DCP1A: variants seen among roughly 807,000 people sequenced by gnomAD.
DCP1A encodes mRNA-decapping enzyme 1A.
Under a neutral mutation model 58.0 loss-of-function variants are expected in DCP1A, and 20 were observed. The ratio of observed to expected loss-of-function variants is 0.34; its 90% CI spans 0.24 to 0.50. DCP1A has a LOEUF of 0.50. DCP1A is among the 20% of genes least tolerant of loss of function. DCP1A has a pLI of 0.98. For synonymous variants in DCP1A, 285 were observed against 275.1 expected (o/e 1.04, Z -0.36); for missense variants, 613 against 712.2 (o/e 0.86, Z 1.59).
intron 8 of DCP1A, among the ~76,000 whole-genome samples, chr3:53,289,705 A>G (rs989570740): frequency 5.3e-5 from 8 of 152,090 alleles, no homozygotes; most frequent in African/African-American, 1.9e-4. Flanking sequence ...GCTAACATCT[A>G]CCTCTCTCCT....
intron 1 of DCP1A, among the ~76,000 whole-genome samples, chr3:53,347,069 A>T (rs2089300304): frequency 6.6e-6 from 1 of 152,148 alleles, no homozygotes; most frequent in South Asian, 2.1e-4. Context: ...CCGGTCTTAT[A>T]ACTCCCAATG....
intron 3 of DCP1A, among the ~76,000 whole-genome samples, chr3:53,340,804 G>A (rs1483611585): frequency 1.3e-5 from 2 of 152,090 alleles, no homozygotes; most frequent in Non-Finnish European, 2.9e-5. Context: ...GTAGTTTCTT[G>A]GAAGGGCCAC....
Position 53,292,136 on chromosome 3 carries a change from G to C in DCP1A, c.1316C>G (p.Ser439Cys), listed in dbSNP as rs1706904322. Residue 439 changes from serine to cysteine, a missense_variant, in exon 7 of 10, where the codon TCT (serine) becomes TGT (cysteine). Coordinates refer to ENST00000610213, the MANE Select transcript of DCP1A (RefSeq NM_018403.7). ...ATPESFIEPP[S>C]KTAAARVAAS... ...CGCCACTCTTGCTGCTGCTGTCTTA[G>C]AGGGAGGCTCTATGAAGCTCTCAGG... The C allele has an allele frequency of 1.2e-6, 2 of 1,613,732 alleles. No homozygotes were observed. The highest frequency in any genetic ancestry group is 3.3e-5 in the Admixed American group (2 of 59,980).
At chr3:53,316,705 A>G (rs140632979) in intron 4 of DCP1A, among the ~76,000 whole-genome samples, 6 of 151,614 alleles carry the variant, frequency 4.0e-5, no homozygotes, top group African/African-American at 9.7e-5. Context: ...TTGACCTCCC[A>G]AAGTGCTGGG....
chr3:53,307,804 A>AC (rs1707519737), intron 5 of DCP1A, among the ~76,000 whole-genome samples: 1 of 152,262 alleles, frequency 6.6e-6, no homozygotes, highest in African/African-American at 2.4e-5. Flanking sequence ...TTAATGCTGT[A>AC]CATGAGGATT....
chr3:53,302,316 C>T (rs546901658), intron 6 of DCP1A, among the ~76,000 whole-genome samples: 7 of 152,138 alleles, frequency 4.6e-5, no homozygotes, highest in South Asian at 2.1e-4. Flanking sequence ...TAAAAACCTA[C>T]GGATTTTATT....
intron 3 of DCP1A, among the ~76,000 whole-genome samples, chr3:53,332,833 G>A (rs2089035611): frequency 6.6e-6 from 1 of 151,696 alleles, no homozygotes; most frequent in Non-Finnish European, 1.5e-5. Context: ...ACTCCAGCCT[G>A]GGTGACAAAG....
intron 4 of DCP1A, among the ~76,000 whole-genome samples, chr3:53,314,667 CTTTTTTTTTT>C (rs1167830951): frequency 2.3e-5 from 2 of 86,722 alleles, no homozygotes; most frequent in Non-Finnish European, 4.3e-5. Context: ...TTTTCTTTTT[CTTTTTTTTTT>C]TTTTTTTTTT....
chr3:53,290,678 T>C (rs1416297300), intron 8 of DCP1A, 113 bp downstream of exon 8: 2 of 852,486 alleles, frequency 2.3e-6, no homozygotes, highest in East Asian at 5.3e-5. Flanking sequence ...ACCTGACTGT[T>C]CACAGCCAGT....
rs1216781112 is a variant in DCP1A, at chr3:53,344,733, G to C, written c.176+169C>G. 5.3e-5 allele frequency among the ~76,000 whole-genome samples: 8 copies of C among 152,262 alleles called. No homozygotes were observed. The East Asian group carries it at 9.6e-4, about 18-fold the overall frequency. On this transcript the variant is annotated intron_variant, in intron 2 of 9. Coordinates refer to ENST00000610213, the MANE Select transcript of DCP1A (RefSeq NM_018403.7). ...TCAGTTTATTCTGAATCACAGAAAG[G>C]CTCAGAGAAAAGAAAGAACCTGGTT...
chr3:53,323,250 A>G (rs1559698428), intron 3 of DCP1A, among the ~76,000 whole-genome samples: 1 of 152,246 alleles, frequency 6.6e-6, no homozygotes, highest in Non-Finnish European at 1.5e-5. Context: ...TGGTAAGTCA[A>G]CAAATTCACT....
At chr3:53,289,005 A>C (rs1575590602) in intron 8 of DCP1A, among the ~76,000 whole-genome samples, 4 of 145,872 alleles carry the variant, frequency 2.7e-5, no homozygotes, top group Admixed American at 2.7e-4. Context: ...ACAGAGAAAG[A>C]CTCCATCTCG....
rs1266772783 is a variant in DCP1A at position 53,284,712 on chromosome 3, T to G, written c.*2868A>C. ...CCACCACGCCCGGCTAATTTTTGTA[T>G]TTTTAGTAGAGATGGGGTTTCACCA... On this transcript the variant is annotated 3_prime_UTR_variant, in exon 10 of 10. Transcript: ENST00000610213. The G allele has an allele frequency of 9.9e-5, 15 of 152,038 alleles. No homozygotes were observed. Among genetic ancestry groups the G allele is most frequent in the African/African-American group, 3.4e-4 (14 of 41,338 alleles). The allele number at this position is 152,038 out of a possible 1,614,324, so 9.4% of individuals were successfully genotyped here.
intron 3 of DCP1A, among the ~76,000 whole-genome samples, chr3:53,334,088 CT>C (rs1308153329): frequency 2.0e-5 from 3 of 151,948 alleles, no homozygotes; most frequent in African/African-American, 7.3e-5. Flanking sequence ...ATAGAGAGAC[CT>C]TGTCTCTACA....
chr3:53,292,043 GC>G (rs781987714), intron 7 of DCP1A, 25 bp downstream of exon 7: 3 of 1,577,336 alleles, frequency 1.9e-6, no homozygotes, highest in Non-Finnish European at 2.6e-6. Flanking sequence ...TACCCACTCT[GC>G]CCACCCCCAC....
chr3:53,309,769 GAA>G (rs1353208364), intron 5 of DCP1A, among the ~76,000 whole-genome samples: 2 of 152,146 alleles, frequency 1.3e-5, no homozygotes, highest in Admixed American at 6.5e-5. Flanking sequence ...TCTGAAAAAA[GAA>G]AAGAGTCTCA....
chr3:53,337,088 T>C (rs1575621289), intron 3 of DCP1A, among the ~76,000 whole-genome samples: 1 of 152,086 alleles, frequency 6.6e-6, no homozygotes, highest in Admixed American at 6.5e-5. Context: ...GCCAGGCTGG[T>C]CTTGAACTCC....
chr3:53,288,594 T>C (rs1305738586), intron 8 of DCP1A, among the ~76,000 whole-genome samples: 1 of 152,154 alleles, frequency 6.6e-6, no homozygotes. Context: ...AATCCTATGA[T>C]AAATTTAAAA....
chr3:53,341,629 C>A (rs2089205376), intron 3 of DCP1A, among the ~76,000 whole-genome samples: 1 of 152,134 alleles, frequency 6.6e-6, no homozygotes. Flanking sequence ...AAACCGACAA[C>A]AGAAATGTAG....
Sources: allele counts gnomAD v4.1 joint callset (sites outside exome capture counted in the v4.1 genomes callset), GRCh38; gene constraint gnomAD v4.1.1; transcripts MANE v1.5; gene names NCBI Gene and HGNC (gene_info 2026-07-23, HGNC 2026-07-21).